SLC39A11: variants seen among roughly 807,000 people sequenced by gnomAD.
The protein encoded by SLC39A11 is zinc transporter ZIP11.
Under a neutral mutation model 36.1 loss-of-function variants are expected in SLC39A11, and 33 were observed. The ratio of observed to expected loss-of-function variants is 0.91; its 90% CI spans 0.69 to 1.22. The LOEUF (loss-of-function observed/expected upper bound fraction) is 1.22, where lower values mean the gene tolerates loss of function less well. Among genes scored for constraint, SLC39A11 ranks in the 50% most tolerant of loss-of-function variants. The pLI, the probability that SLC39A11 is intolerant of heterozygous loss-of-function variation, is 0.00. For missense variants in SLC39A11, 432 were observed against 430.3 expected (o/e 1.00, Z -0.03); for synonymous variants, 166 against 170.3 (o/e 0.97, Z 0.20).
At chr17:72,857,519 G>T (rs1397836059) in intron 5 of SLC39A11, among the ~76,000 whole-genome samples, 1 of 152,164 alleles carries the variant, frequency 6.6e-6, no homozygotes, top group Non-Finnish European at 1.5e-5. Context: ...TTGCTGGGTT[G>T]AACAGTAGTT....
At chr17:72,945,314 G>A (rs527958598) in intron 5 of SLC39A11, among the ~76,000 whole-genome samples, 18 of 152,216 alleles carry the variant, frequency 1.2e-4, no homozygotes, top group South Asian at 6.2e-4. Context: ...TCCTCTGGTC[G>A]AACCAATTAT....
intron 6 of SLC39A11, among the ~76,000 whole-genome samples, chr17:72,778,843 C>T (rs2567528): frequency 0.015 from 2,251 of 152,302 alleles, 62 homozygotes; most frequent in African/African-American, 0.051. Flanking sequence ...AAGTAGATAA[C>T]CAAATTTCTT....
At chr17:72,852,110 CAGG>C (rs1393590293) in intron 5 of SLC39A11, among the ~76,000 whole-genome samples, 1 of 143,050 alleles carries the variant, frequency 7.0e-6, no homozygotes, top group Non-Finnish European at 1.5e-5. Flanking sequence ...CTGAGTGAGG[CAGG>C]AGAATGGCTT....
chr17:73,061,710 T>A (rs1313627595), intron 3 of SLC39A11, among the ~76,000 whole-genome samples: 3 of 152,168 alleles, frequency 2.0e-5, no homozygotes, highest in Non-Finnish European at 4.4e-5. Flanking sequence ...AAAAGTTCTG[T>A]GCAGGCTGGG....
intron 6 of SLC39A11, among the ~76,000 whole-genome samples, chr17:72,837,360 CAAAAAAAAAAAA>C (rs34639176): frequency 1.1e-5 from 1 of 91,134 alleles, no homozygotes; most frequent in East Asian, 3.3e-4. Flanking sequence ...GTATATTGCT[CAAAAAAAAAAAA>C]AAAAAAAAAA....
chr17:73,088,016 C>T (rs913261308), intron 2 of SLC39A11, among the ~76,000 whole-genome samples: 4 of 152,130 alleles, frequency 2.6e-5, no homozygotes, highest in African/African-American at 9.7e-5. Context: ...AAAGAAATTA[C>T]ATGGCAGGCC....
intron 6 of SLC39A11, among the ~76,000 whole-genome samples, chr17:72,849,014 T>C (rs965196752): frequency 6.6e-6 from 1 of 152,222 alleles, no homozygotes; most frequent in Non-Finnish European, 1.5e-5. Flanking sequence ...ACATATAGTG[T>C]ATGTTATATG....
chr17:73,024,256 C>T (rs984539176), intron 4 of SLC39A11, among the ~76,000 whole-genome samples: 1 of 152,198 alleles, frequency 6.6e-6, no homozygotes. Flanking sequence ...GCAGAAATTT[C>T]AACAATAGCT....
intron 6 of SLC39A11, among the ~76,000 whole-genome samples, chr17:72,830,435 A>G (rs2078231032): frequency 6.6e-6 from 1 of 152,178 alleles, no homozygotes. Flanking sequence ...TGTCTTGGAT[A>G]ACACATCAAC....
chr17:72,884,381 A>G (rs1403930485), intron 5 of SLC39A11, among the ~76,000 whole-genome samples: 1 of 152,216 alleles, frequency 6.6e-6, no homozygotes, highest in Non-Finnish European at 1.5e-5. Context: ...CCATTCTGTT[A>G]TCTACTGCAG....
At position 72,891,715 on chromosome 17, in the gene SLC39A11, AAC is replaced by A. The variant is rs2081754543; in HGVS notation, c.431-41913_431-41912del. Among the ~76,000 whole-genome samples the A allele has an allele frequency of 2.6e-5, 4 of 152,216 alleles. No individual in the cohort carries two copies. The South Asian group carries it at 6.2e-4, about 24-fold the overall frequency. On this transcript the variant is annotated intron_variant, in intron 5 of 9. Coordinates refer to ENST00000255559, the MANE Select transcript of SLC39A11 (RefSeq NM_139177.4). ...ACACATATAGATATAGATATATATTAACACACACAGATACATACATATAAGTG... is the reference window on the plus strand; with the variant it reads ...ACACATATAGATATAGATATATATTAACACACAGATACATACATATAAGTG...
At chr17:72,879,377 T>A (rs2081081657) in intron 5 of SLC39A11, among the ~76,000 whole-genome samples, 1 of 152,224 alleles carries the variant, frequency 6.6e-6, no homozygotes, top group African/African-American at 2.4e-5. Flanking sequence ...CTCTTATCAC[T>A]CATACAAAAG....
chr17:72,895,624 A>C (rs2081989589), intron 5 of SLC39A11, among the ~76,000 whole-genome samples: 1 of 152,030 alleles, frequency 6.6e-6, no homozygotes, highest in South Asian at 2.1e-4. Flanking sequence ...AGACCCTCTA[A>C]ACATGCTGTT....
At chr17:72,729,058 C>T (rs540156155) in intron 7 of SLC39A11, among the ~76,000 whole-genome samples, 9 of 152,098 alleles carry the variant, frequency 5.9e-5, no homozygotes, top group African/African-American at 2.2e-4. Flanking sequence ...TCAGTTGGTG[C>T]ATTCTTCACA....
chr17:72,714,610 C>G (rs992560602), intron 7 of SLC39A11, among the ~76,000 whole-genome samples: 2 of 152,174 alleles, frequency 1.3e-5, no homozygotes, highest in East Asian at 3.9e-4. Flanking sequence ...TTCATTTACC[C>G]CTTCAGGAAA....
At chr17:72,945,254 C>T (rs1290767904) in intron 5 of SLC39A11, among the ~76,000 whole-genome samples, 2 of 152,210 alleles carry the variant, frequency 1.3e-5, no homozygotes, top group African/African-American at 2.4e-5. Context: ...ACTGCTGCTG[C>T]TCCTCAGAGC....
intron 4 of SLC39A11, among the ~76,000 whole-genome samples, chr17:73,004,161 A>AAAAAAGAAAG (rs1206352991): frequency 9.0e-5 from 12 of 132,914 alleles, no homozygotes; most frequent in African/African-American, 2.7e-4. Flanking sequence ...GAAAGAAGGA[A>AAAAAAGAAAG]AAAAAGAAAG....
chr17:72,725,522 T>C (rs1473803429), intron 7 of SLC39A11: 1 of 152,224 alleles, frequency 6.6e-6, no homozygotes, highest in Non-Finnish European at 1.5e-5. Flanking sequence ...CTTACATATA[T>C]GGTCCTTAGC....
At chr17:72,845,492 C>A (rs755494108) in intron 6 of SLC39A11, among the ~76,000 whole-genome samples, 1 of 152,184 alleles carries the variant, frequency 6.6e-6, no homozygotes, top group East Asian at 1.9e-4. Flanking sequence ...CTCAAGGAGC[C>A]CCTCCCTACC....
Sources: allele counts gnomAD v4.1 joint callset (sites outside exome capture counted in the v4.1 genomes callset), GRCh38; gene constraint gnomAD v4.1.1; transcripts MANE v1.5; gene names NCBI Gene and HGNC (gene_info 2026-07-23, HGNC 2026-07-21).